IQSEC2: variants seen among roughly 807,000 people sequenced by gnomAD.
IQSEC2 encodes IQ motif and SEC7 domain-containing protein 2.
Under a neutral mutation model 74.6 loss-of-function variants are expected in IQSEC2, and 6 were observed. That is an observed-to-expected ratio of 0.08 (90% CI 0.04 to 0.16). IQSEC2 has a LOEUF of 0.16. Among genes scored for constraint, IQSEC2 ranks in the 10% least tolerant of loss-of-function variants. The pLI is 1.00. For missense variants in IQSEC2, 734 were observed against 1,306.2 expected, an observed-to-expected ratio of 0.56 and a Z score of 6.75; for synonymous variants, 494 against 544.5, an observed-to-expected ratio of 0.91 and a Z score of 1.29.
chrX:53,255,024 G>T, intron 3 of IQSEC2, 93 bp from the exon 4 acceptor site: 1 of 926,718 alleles, frequency 1.1e-6, no homozygotes, highest in Non-Finnish European at 1.5e-6. Flanking sequence ...CTGGAATCAT[G>T]GCTGACTGCT....
intron 2 of IQSEC2, among the ~76,000 whole-genome samples, chrX:53,277,344 T>C (rs1294390692): frequency 1.8e-5 from 2 of 110,284 alleles, no homozygotes; most frequent in African/African-American, 6.6e-5. Flanking sequence ...CCCGAGTAGG[T>C]GGGATTACAG....
chrX:53,280,843 T>C (rs1556870722), intron 2 of IQSEC2, among the ~76,000 whole-genome samples: 3 of 111,615 alleles, frequency 2.7e-5, no homozygotes, highest in Non-Finnish European at 5.7e-5. Flanking sequence ...CAGAGCAAGC[T>C]GGGAGTGGAG....
intron 2 of IQSEC2, among the ~76,000 whole-genome samples, chrX:53,277,141 T>C (rs1393176289): frequency 9.0e-6 from 1 of 111,371 alleles, no homozygotes; most frequent in Non-Finnish European, 1.9e-5. Context: ...TTTGCTAGAA[T>C]TTCCATCATA....
At chrX:53,246,210 G>T (rs1441815425) in intron 8 of IQSEC2, among the ~76,000 whole-genome samples, 1 of 111,608 alleles carries the variant, frequency 9.0e-6, no homozygotes. Flanking sequence ...TGCGCCTTTG[G>T]TATTCTCATT....
intron 2 of IQSEC2, chrX:53,281,369 C>A: frequency 2.5e-6 from 1 of 406,844 alleles, no homozygotes; most frequent in Non-Finnish European, 4.3e-6. Context: ...AGGCCAAAGG[C>A]CTCTCAGAGT....
chrX:53,290,088 C>T (rs1210841514), intron 2 of IQSEC2, among the ~76,000 whole-genome samples: 6 of 111,341 alleles, frequency 5.4e-5, no homozygotes, highest in African/African-American at 9.8e-5. Context: ...TCTGGGTTGG[C>T]GCCAGGCAGA....
intron 1 of IQSEC2, among the ~76,000 whole-genome samples, chrX:53,317,431 C>A (rs1016833333): frequency 9.0e-6 from 1 of 111,504 alleles, no homozygotes; most frequent in Non-Finnish European, 1.9e-5. Context: ...CAGCTGATGT[C>A]CAATGCAGTA....
intron 2 of IQSEC2, among the ~76,000 whole-genome samples, chrX:53,272,937 T>C (rs2074765953): frequency 9.0e-6 from 1 of 111,526 alleles, no homozygotes; most frequent in Non-Finnish European, 1.9e-5. Flanking sequence ...CTTCTAGAGC[T>C]GACAGTCACC....
At chrX:53,282,930 C>T (rs1367018443) in intron 2 of IQSEC2, among the ~76,000 whole-genome samples, 1 of 112,070 alleles carries the variant, frequency 8.9e-6, no homozygotes, top group East Asian at 2.8e-4. Context: ...GGTGCAGTGG[C>T]TCACGCCTGT....
intron 2 of IQSEC2, among the ~76,000 whole-genome samples, chrX:53,265,415 T>A (rs1270639433): frequency 5.4e-5 from 6 of 111,400 alleles, no homozygotes; most frequent in African/African-American, 2.0e-4. Flanking sequence ...CAAGCTCCTA[T>A]GCTGGGCTCG....
rs1556864638 is a variant in IQSEC2, at chrX:53,254,680, G to A, written c.1251C>T (p.Ala417=). The A allele has an allele frequency of 1.6e-5, 19 of 1,211,136 alleles. No homozygotes were observed. The highest frequency in any genetic ancestry group is 1.8e-5 in the Non-Finnish European group (16 of 895,026). The change falls in exon 4 of 15, where the codon GCC becomes GCT. Residue 417 remains alanine (A), a synonymous_variant. Coordinates refer to ENST00000642864, the MANE Select transcript of IQSEC2 (RefSeq NM_001111125.3). ...EGKPASLDEG[A]MAGARSHRLE... is the part of the protein sequence containing the mutation. The stretch of plus-strand genomic sequence containing the variant: ...GCCGGTGGCTCCGGGCACCAGCCAT[G>A]GCACCCTCGTCCAGCGAGGCAGGCT...
intron 2 of IQSEC2, among the ~76,000 whole-genome samples, chrX:53,283,501 G>A (rs1462633128): frequency 8.9e-6 from 1 of 112,307 alleles, no homozygotes; most frequent in Non-Finnish European, 1.9e-5. Flanking sequence ...CTGAACCTGA[G>A]AGAGTCTGTC....
intron 12 of IQSEC2, 102 bp downstream of exon 12, chrX:53,238,043 C>A: frequency 1.0e-6 from 1 of 957,280 alleles, no homozygotes; most frequent in Non-Finnish European, 1.5e-6. Flanking sequence ...GAAGGTTGGA[C>A]AAGCTAACCC....
At position 53,320,681 on chromosome X, in the gene IQSEC2, G is replaced by A. The variant is rs782137657; in HGVS notation, c.443C>T (p.Thr148Ile). Reference protein sequence around the residue: ...SYPLQDTTGYTARERDVAQCH... With the variant: ...SYPLQDTTGYIARERDVAQCH... The stretch of plus-strand genomic sequence containing the variant: ...CTGGGCCACGTCACGCTCGCGGGCT[G>A]TGTAACCGGTAGTGTCCTGGAGCGG... The change falls in exon 1 of 15, where the codon ACA becomes ATA. Residue 148 changes from threonine to isoleucine, a missense_variant. Coordinates refer to ENST00000642864, the MANE Select transcript of IQSEC2 (RefSeq NM_001111125.3). 14 of 1,165,289 alleles carry A rather than the reference G, an allele frequency of 1.2e-5. No individual in the cohort carries two copies. The South Asian group carries it at 2.5e-4, about 21-fold the overall frequency.
rs2146549172 is a variant in IQSEC2, at chrX:53,320,551, C to G, written c.573G>C (p.Ala191=). 8.7e-7 allele frequency: 1 copy of G among 1,155,813 alleles called. No homozygotes were observed. Among genetic ancestry groups the G allele is most frequent in the Non-Finnish European group, 1.2e-6 (1 of 868,181 alleles). The change falls in exon 1 of 15, where the codon GCG becomes GCC. Residue 191 remains alanine (A), a synonymous_variant. Coordinates refer to ENST00000642864, the MANE Select transcript of IQSEC2 (RefSeq NM_001111125.3). The stretch of plus-strand genomic sequence containing the variant: ...GCGGTGGCCGCGGCCCCACGCCCAC[C>G]GCCGCCGAATAGCCCGCTTCCTTCT... The part of the protein sequence containing the change: ...GREKEAGYSA[A]VGVGPRPPRE...
At chrX:53,316,438 G>A (rs2075371722) in intron 1 of IQSEC2, among the ~76,000 whole-genome samples, 1 of 111,337 alleles carries the variant, frequency 9.0e-6, no homozygotes, top group Admixed American at 9.6e-5. Context: ...ACTGTCTCAC[G>A]TGCTGTCTCT....
rs1214844733 is a variant in IQSEC2, at chrX:53,321,195, C to T, written c.-72G>A. Reference sequence around the variant, plus strand: ...GCTCTCTCACGGCGCCACCCTCCCCCGGGCCCAGCCGGGGGAGGGGGCCGG... The same window carrying T: ...GCTCTCTCACGGCGCCACCCTCCCCTGGGCCCAGCCGGGGGAGGGGGCCGG... On this transcript the variant is annotated 5_prime_UTR_variant, in exon 1 of 15. Transcript: ENST00000642864. The T allele has an allele frequency of 4.8e-6, 3 of 628,424 alleles. No homozygotes were observed. The highest frequency in any genetic ancestry group is 4.9e-5 in the African/African-American group (2 of 40,752). The allele number at this position is 628,424 out of a possible 1,213,427, so 51.8% of individuals were successfully genotyped here.
intron 2 of IQSEC2, among the ~76,000 whole-genome samples, chrX:53,283,509 G>A (rs782497151): frequency 8.0e-5 from 9 of 112,268 alleles, no homozygotes; most frequent in South Asian, 3.7e-4. Context: ...GAGAGAGTCT[G>A]TCCCTTCTCC....
chrX:53,315,776 G>C (rs1446784088), intron 1 of IQSEC2, among the ~76,000 whole-genome samples: 1 of 112,032 alleles, frequency 8.9e-6, no homozygotes, highest in Non-Finnish European at 1.9e-5. Flanking sequence ...AGACTCACTC[G>C]GTACACGTGT....
Sources: allele counts gnomAD v4.1 joint callset (sites outside exome capture counted in the v4.1 genomes callset), GRCh38; gene constraint gnomAD v4.1.1; transcripts MANE v1.5; gene names NCBI Gene and HGNC (gene_info 2026-07-23, HGNC 2026-07-21).